Variants in PPP1R21 observed in about 807,000 individuals in gnomAD.
PPP1R21 encodes KLRAQ motif containing 1.
In PPP1R21, 85 loss-of-function variants were observed where a neutral mutation model predicts 112.8. That is an observed-to-expected ratio of 0.75 (90% CI 0.63 to 0.90). The LOEUF (loss-of-function observed/expected upper bound fraction) is 0.90, where lower values mean the gene tolerates loss of function less well. PPP1R21 is among the 40% of genes least tolerant of loss of function. The probability of loss-of-function intolerance (pLI) is 0.00; values close to 1 mark genes in which losing one functional copy is unlikely to be tolerated. For missense variants in PPP1R21, 1,199 were observed against 901.5 expected (o/e 1.33, Z -4.23); for synonymous variants, 381 against 322.3 (o/e 1.18, Z -1.95).
intron 7 of PPP1R21, among the ~76,000 whole-genome samples, chr2:48,461,434 G>A (rs558481064): frequency 6.6e-6 from 1 of 152,052 alleles, no homozygotes; most frequent in African/African-American, 2.4e-5. Context: ...CTCCAAAGCT[G>A]GTCTTCTTGG....
chr2:48,487,890 C>G (rs1330785729), intron 14 of PPP1R21, among the ~76,000 whole-genome samples: 1 of 152,046 alleles, frequency 6.6e-6, no homozygotes, highest in Non-Finnish European at 1.5e-5. Context: ...TGAGAACATC[C>G]TACATGTATA....
chr2:48,507,741 G>A (rs954259176), intron 19 of PPP1R21, among the ~76,000 whole-genome samples: 2 of 135,534 alleles, frequency 1.5e-5, no homozygotes, highest in African/African-American at 2.8e-5. Context: ...ATTTGAGTGA[G>A]GCTCTGCCTT....
chr2:48,501,992 C>G (rs1445367244), intron 17 of PPP1R21: 1 of 152,028 alleles, frequency 6.6e-6, no homozygotes, highest in Non-Finnish European at 1.5e-5. Context: ...CTGTATCGTT[C>G]CAATTTTAGT....
intron 16 of PPP1R21, among the ~76,000 whole-genome samples, chr2:48,496,091 C>T: frequency 6.6e-6 from 1 of 151,962 alleles, no homozygotes; most frequent in East Asian, 1.9e-4. Context: ...GGGGCAAGAG[C>T]TAGTGACTCT....
At chr2:48,477,193 C>G (rs1668797636) in intron 12 of PPP1R21, among the ~76,000 whole-genome samples, 1 of 147,624 alleles carries the variant, frequency 6.8e-6, no homozygotes, top group Non-Finnish European at 1.5e-5. Context: ...ACACTCTCAG[C>G]TCGCTGCAAA....
At chr2:48,495,212 TTTTC>T (rs2103622739) in intron 15 of PPP1R21, among the ~76,000 whole-genome samples, 1 of 152,272 alleles carries the variant, frequency 6.6e-6, no homozygotes, top group African/African-American at 2.4e-5. Flanking sequence ...TTTCTTTTTT[TTTTC>T]TTTTTGAGAC....
Position 48,440,891 on chromosome 2 carries a change from T to C in PPP1R21, c.-63T>C. The C allele has an allele frequency of 8.4e-7, 1 of 1,193,076 alleles. No individual in the cohort carries two copies. The highest frequency in any genetic ancestry group is 1.2e-6 in the Non-Finnish European group (1 of 821,914). The allele number at this position is 1,193,076 out of a possible 1,614,324, so 73.9% of individuals were successfully genotyped here. A position where few individuals can be genotyped will look rare whatever the true frequency, so the allele number is the denominator to read the frequency against. ...ACCCGTTCCCGGGAGCGTGTCTGGG[T>C]TTGGGGGCGGGAGACAGGCTGAGCC... On this transcript the variant is annotated 5_prime_UTR_variant, in exon 1 of 22. Coordinates refer to ENST00000294952, the MANE Select transcript of PPP1R21 (RefSeq NM_001135629.3).
In PPP1R21 at chr2:48,498,852, A is replaced by C. The variant is rs534532046; in HGVS notation, c.1935+117A>C. The C allele has an allele frequency of 1.2e-5, 12 of 1,032,514 alleles. No individual in the cohort carries two copies. In the East Asian group the frequency reaches 2.9e-4, roughly 25 times the overall value. The allele number at this position is 1,032,514 out of a possible 1,614,324, so 64.0% of individuals were successfully genotyped here. A position where few individuals can be genotyped will look rare whatever the true frequency, so the allele number is the denominator to read the frequency against. Reference sequence around the variant, plus strand: ...TCAGGCTGCTATATCAAAATACCATAAGCTGAGCATCTTGTAAATCACAGA... The same window carrying C: ...TCAGGCTGCTATATCAAAATACCATCAGCTGAGCATCTTGTAAATCACAGA... On this transcript the variant is annotated intron_variant, in intron 17 of 21. Transcript: ENST00000294952.
intron 15 of PPP1R21, among the ~76,000 whole-genome samples, chr2:48,492,568 A>G (rs1669619053): frequency 1.3e-5 from 2 of 152,234 alleles, no homozygotes; most frequent in South Asian, 2.1e-4. Context: ...TGTTACAATA[A>G]TACTGCAATG....
intron 9 of PPP1R21, among the ~76,000 whole-genome samples, chr2:48,468,833 G>A (rs1231172711): frequency 1.4e-5 from 2 of 145,032 alleles, no homozygotes; most frequent in Non-Finnish European, 3.0e-5. Context: ...AAATGTATGT[G>A]TGTGTGTGTG....
intron 16 of PPP1R21, 177 bp downstream of exon 16, chr2:48,495,948 A>G (rs552284554): frequency 8.9e-6 from 5 of 561,240 alleles, no homozygotes; most frequent in Non-Finnish European, 1.6e-5. Context: ...ACATGTGTTG[A>G]CACTCTAAGT....
chr2:48,478,960 TTTCTC>T (rs1458750299), intron 12 of PPP1R21, among the ~76,000 whole-genome samples: 2 of 152,172 alleles, frequency 1.3e-5, no homozygotes, highest in Non-Finnish European at 2.9e-5. Flanking sequence ...TGGTCATACT[TTTCTC>T]TAAGTGACAC....
chr2:48,448,024 GCTT>G (rs1667323160), intron 1 of PPP1R21, among the ~76,000 whole-genome samples: 1 of 151,948 alleles, frequency 6.6e-6, no homozygotes, highest in Non-Finnish European at 1.5e-5. Context: ...GATTTTATAA[GCTT>G]CTCATTCAGT....
At chr2:48,509,073 C>T (rs1440611490) in intron 19 of PPP1R21, among the ~76,000 whole-genome samples, 2 of 151,986 alleles carry the variant, frequency 1.3e-5, no homozygotes. Flanking sequence ...AATTTCATAC[C>T]CTCTTTGAAC....
intron 12 of PPP1R21, among the ~76,000 whole-genome samples, 200 bp from the exon 13 acceptor site, chr2:48,479,724 T>G (rs1425236342): frequency 1.3e-5 from 2 of 152,248 alleles, no homozygotes; most frequent in Admixed American, 6.5e-5. Flanking sequence ...AAAATATTTG[T>G]GGACATAGGA....
At chr2:48,448,961 C>T (rs984621513) in intron 1 of PPP1R21, among the ~76,000 whole-genome samples, 10 of 151,572 alleles carry the variant, frequency 6.6e-5, no homozygotes, top group African/African-American at 1.9e-4. Flanking sequence ...TTAAAAATAG[C>T]CTGCCAATTT....
intron 12 of PPP1R21, 22 bp downstream of exon 12, chr2:48,474,841 G>A (rs1368748675): frequency 1.2e-6 from 2 of 1,606,486 alleles, no homozygotes; most frequent in Admixed American, 3.4e-5. Context: ...TGTTGCTTAG[G>A]GGTCAACTTC....
rs1300282493 is a variant in PPP1R21, at chr2:48,491,131, T to G, written c.1560T>G (p.Tyr520Ter). 1.9e-6 allele frequency: 3 copies of G among 1,613,892 alleles called. No homozygotes were observed. The highest frequency in any genetic ancestry group is 1.3e-5 in the African/African-American group (1 of 74,912). The change falls in exon 15 of 22, where the codon TAT (tyrosine) becomes TAG (stop). Residue 520 changes from tyrosine to a stop codon, truncating the protein, a stop_gained. Coordinates refer to ENST00000294952, the MANE Select transcript of PPP1R21 (RefSeq NM_001135629.3). LOFTEE classifies it high-confidence loss of function. ...TTTCAGCTGAATGCATGCTACAGTA[T>G]AAGAAAAAAGCTGCTGCCTATATGA... ...SPLSAECMLQ[Y>*]KKKAAAYMKS... is the part of the protein sequence containing the mutation.
At chr2:48,458,092 A>C in intron 3 of PPP1R21, 34 bp from the exon 4 acceptor site, 1 of 1,416,548 alleles carries the variant, frequency 7.1e-7, no homozygotes. Context: ...TAAAGGATGA[A>C]AGTTATGTGG....
Sources: gnomAD v4.1 joint callset for allele counts (sites outside exome capture counted in the v4.1 genomes callset) on GRCh38, gnomAD v4.1.1 for gene constraint, MANE v1.5 for transcripts, NCBI Gene and HGNC (gene_info 2026-07-23, HGNC 2026-07-21) for gene names.